NEXN: variants seen among roughly 807,000 people sequenced by gnomAD.
NEXN encodes the protein nexilin F-actin binding protein.
A neutral mutation model predicts 92.6 loss-of-function variants in NEXN; 65 were observed. The observed-to-expected ratio is 0.70, with a 90% CI of 0.57 to 0.86. NEXN has a LOEUF of 0.86. NEXN is among the 40% of genes least tolerant of loss of function. NEXN has a pLI of 0.00. For missense variants in NEXN, 778 were observed against 771.1 expected (o/e 1.01, Z -0.11); for synonymous variants, 254 against 242.5 (o/e 1.05, Z -0.44).
At chr1:77,920,584 G>A (rs1030765924) in intron 5 of NEXN, among the ~76,000 whole-genome samples, 2 of 119,736 alleles carry the variant, frequency 1.7e-5, no homozygotes, top group African/African-American at 3.2e-5. Flanking sequence ...TAATTTCACT[G>A]CACTTCCAGC....
chr1:77,919,361 T>G (rs1185194647), intron 5 of NEXN, among the ~76,000 whole-genome samples: 1 of 152,232 alleles, frequency 6.6e-6, no homozygotes, highest in Non-Finnish European at 1.5e-5. Flanking sequence ...GCTTTCAGTC[T>G]TTTTGCTATG....
chr1:77,910,396 G>A (rs368804644), intron 1 of NEXN, among the ~76,000 whole-genome samples: 10 of 152,186 alleles, frequency 6.6e-5, no homozygotes, highest in East Asian at 3.9e-4. Context: ...TGTGCTCACC[G>A]ATGATGTGAT....
At chr1:77,925,278 T>A (rs1434700005) in intron 6 of NEXN, 49 bp downstream of exon 6, 1 of 1,258,426 alleles carries the variant, frequency 7.9e-7, no homozygotes, top group Non-Finnish European at 1.2e-6. Context: ...ATTATCTGAT[T>A]CACAAATTAT....
chr1:77,933,620 G>A (rs531543422), intron 10 of NEXN, 141 bp downstream of exon 10: 108 of 680,762 alleles, frequency 1.6e-4, no homozygotes, highest in Non-Finnish European at 2.4e-4. Flanking sequence ...TGGTACAGGC[G>A]TCTGCACAAT....
intron 1 of NEXN, among the ~76,000 whole-genome samples, chr1:77,900,103 C>G (rs1647577224): frequency 6.6e-6 from 1 of 152,144 alleles, no homozygotes; most frequent in Non-Finnish European, 1.5e-5. Context: ...AGTATTCATT[C>G]TAGTCTGTGC....
chr1:77,911,522 G>A (rs183008171), intron 1 of NEXN, among the ~76,000 whole-genome samples: 1 of 151,822 alleles, frequency 6.6e-6, no homozygotes, highest in African/African-American at 2.4e-5. Flanking sequence ...AACCCAGGAG[G>A]TGGAGGTTGC....
intron 8 of NEXN, among the ~76,000 whole-genome samples, chr1:77,928,318 A>T (rs1455034588): frequency 1.3e-5 from 2 of 151,924 alleles, no homozygotes; most frequent in Non-Finnish European, 2.9e-5. Context: ...CTCAAAAAAA[A>T]AAAAAAAGGA....
rs1651585550 is a variant in NEXN, at chr1:77,943,583, T to C, written c.*754T>C. ...AAACATGTTATTTTTCAAACGTATGTAATATATATTAAATTTATAAAGCAA... is the reference window on the plus strand; with the variant it reads ...AAACATGTTATTTTTCAAACGTATGCAATATATATTAAATTTATAAAGCAA... On this transcript the variant is annotated 3_prime_UTR_variant, in exon 13 of 13. Coordinates refer to ENST00000334785, the MANE Select transcript of NEXN (RefSeq NM_144573.4). 6.6e-6 allele frequency: 1 copy of C among 152,080 alleles called. No homozygotes were observed. The highest frequency in any genetic ancestry group is 2.1e-4 in the South Asian group (1 of 4,832). 9.4% of individuals were successfully genotyped at this position (152,080 alleles called of 1,614,324 possible).
chr1:77,937,726 A>C (rs376709926), intron 11 of NEXN, among the ~76,000 whole-genome samples: 1 of 152,150 alleles, frequency 6.6e-6, no homozygotes, highest in Non-Finnish European at 1.5e-5. Flanking sequence ...AAATTATTTG[A>C]ATGACTACTA....
At chr1:77,937,245 GGTGA>G (rs1423063613) in intron 11 of NEXN, among the ~76,000 whole-genome samples, 1 of 151,930 alleles carries the variant, frequency 6.6e-6, no homozygotes, top group Non-Finnish European at 1.5e-5. Context: ...TTGAGGCTGC[GGTGA>G]ACTGTGATTG....
At chr1:77,905,391 C>A (rs1033604252) in intron 1 of NEXN, among the ~76,000 whole-genome samples, 1 of 151,388 alleles carries the variant, frequency 6.6e-6, no homozygotes, top group Admixed American at 6.6e-5. Context: ...TTGAAGCTGG[C>A]AAGATTTACT....
rs1553236762 is a variant in NEXN, at chr1:77,918,147, T to A, written c.321T>A (p.Ala107=). 1.2e-6 allele frequency: 2 copies of A among 1,613,862 alleles called. No individual in the cohort carries two copies. The highest frequency in any genetic ancestry group is 1.7e-6 in the Non-Finnish European group (2 of 1,179,972). The change falls in exon 5 of 13, where the codon GCT becomes GCA. Residue 107 remains alanine (A), a synonymous_variant. Coordinates refer to ENST00000334785, the MANE Select transcript of NEXN (RefSeq NM_144573.4). ...TAGGAACTGTGAAGGGTAGATTTGC[T>A]GAAATGGAGAAACAAAGACAAGAGG... ...KLTGTVKGRF[A]EMEKQRQEEQ...
At chr1:77,936,498 A>G (rs530472009) in intron 11 of NEXN, among the ~76,000 whole-genome samples, 4 of 152,342 alleles carry the variant, frequency 2.6e-5, no homozygotes, top group African/African-American at 9.6e-5. Flanking sequence ...GTGTATATTC[A>G]AGTTAAACTC....
chr1:77,926,571 G>T lies in NEXN; in HGVS notation c.647G>T (p.Arg216Leu). Residue 216 changes from arginine to leucine, a missense_variant, in exon 7 of 13, where the codon CGA becomes CTA. Arg to Leu is a moderately radical substitution (Grantham distance 102, BLOSUM62 -2). Transcript: ENST00000334785. ...EDKRIRYEEQ[R>L]PSLKEAKCLS... is the part of the protein sequence containing the mutation. ...AAAAGAATAAGATATGAAGAACAAC[G>T]ACCATCTCTCAAGGAAGCAAAGTGT... 1 of 1,613,802 alleles carries T rather than the reference G, an allele frequency of 6.2e-7. No homozygotes were observed. The highest frequency in any genetic ancestry group is 1.1e-5 in the South Asian group (1 of 91,034).
chr1:77,923,180 G>C (rs921611941), intron 5 of NEXN, among the ~76,000 whole-genome samples: 5 of 45,834 alleles, frequency 1.1e-4, no homozygotes, highest in Non-Finnish European at 2.3e-4. Context: ...TTTTTTTTTT[G>C]TAGAGAGAGG....
intron 11 of NEXN, 199 bp from the exon 12 acceptor site, chr1:77,941,824 C>T (rs952526713): frequency 4.3e-5 from 25 of 574,908 alleles, no homozygotes; most frequent in African/African-American, 3.6e-4. Context: ...AAGTCTATAA[C>T]TAAGAGAATG....
intron 1 of NEXN, among the ~76,000 whole-genome samples, chr1:77,911,269 C>T (rs934197125): frequency 1.3e-5 from 2 of 152,164 alleles, no homozygotes; most frequent in African/African-American, 4.8e-5. Flanking sequence ...CACTTGGCCT[C>T]ATGTGACAGA....
intron 5 of NEXN, 95 bp from the exon 6 acceptor site, chr1:77,925,093 C>T (rs1005398900): frequency 1.1e-5 from 9 of 785,866 alleles, no homozygotes; most frequent in Middle Eastern, 2.6e-4. Flanking sequence ...TGAAAATTTA[C>T]TATAAGTCAC....
At chr1:77,935,681 G>C (rs1650690306) in intron 10 of NEXN, 142 bp from the exon 11 acceptor site, 1 of 670,054 alleles carries the variant, frequency 1.5e-6, no homozygotes, top group Admixed American at 2.8e-5. Context: ...AGTCACACAT[G>C]GTGGCATGTG....
Sources: allele counts gnomAD v4.1 joint callset (sites outside exome capture counted in the v4.1 genomes callset), GRCh38; gene constraint gnomAD v4.1.1; transcripts MANE v1.5; gene names NCBI Gene and HGNC (gene_info 2026-07-23, HGNC 2026-07-21).